PPP1R13B: variants seen among roughly 807,000 people sequenced by gnomAD.
The protein encoded by PPP1R13B is protein phosphatase 1 regulatory subunit 13B, also known as apoptosis-stimulating of p53 protein 1.
Under a neutral mutation model 119.8 loss-of-function variants are expected in PPP1R13B, and 44 were observed. That is an observed-to-expected ratio of 0.37 (90% CI 0.29 to 0.47). The LOEUF (loss-of-function observed/expected upper bound fraction) is 0.47, where lower values mean the gene tolerates loss of function less well. PPP1R13B is among the 20% of genes least tolerant of loss of function. The probability of loss-of-function intolerance (pLI) is 0.99; values close to 1 mark genes in which losing one functional copy is unlikely to be tolerated. For synonymous variants in PPP1R13B, 542 were observed against 561.5 expected (o/e 0.97, Z 0.49); for missense variants, 1,227 against 1,413.5 (o/e 0.87, Z 2.12).
At chr14:103,736,502 A>G (rs768555537) in intron 15 of PPP1R13B, 22 of 460,028 alleles carry the variant, frequency 4.8e-5, no homozygotes, top group Non-Finnish European at 8.3e-5. Context: ...CTTAGCAATC[A>G]CAGCCAGAAC....
chr14:103,834,683 CG>C (rs955638866), intron 1 of PPP1R13B, among the ~76,000 whole-genome samples: 23 of 150,802 alleles, frequency 1.5e-4, no homozygotes, highest in African/African-American at 5.6e-4. Flanking sequence ...CTCCGCCCTC[CG>C]GGTGCAAGTG....
chr14:103,821,161 TGAA>T (rs935884016), intron 1 of PPP1R13B, among the ~76,000 whole-genome samples: 8 of 152,158 alleles, frequency 5.3e-5, no homozygotes, highest in African/African-American at 1.9e-4. Flanking sequence ...GGTAACAAAA[TGAA>T]GACTAAAATC....
rs143054741 is a variant in PPP1R13B at position 103,767,785 on chromosome 14, G to A, written c.355-10034C>T. Among the ~76,000 whole-genome samples, 576 of 152,248 alleles carry A rather than the reference G, an allele frequency of 3.8e-3. 6 individuals are homozygous for A. The highest frequency in any genetic ancestry group is 0.023 in the South Asian group (109 of 4,826). ...ACTCTCTGTCACCATACAGTTTCAT[G>A]TCTATTCCTCTGTATCTTTGTGGAA... On this transcript the variant is annotated intron_variant, in intron 4 of 16. Coordinates refer to ENST00000202556, the MANE Select transcript of PPP1R13B (RefSeq NM_015316.3).
intron 1 of PPP1R13B, among the ~76,000 whole-genome samples, chr14:103,842,304 T>C (rs891310789): frequency 6.8e-6 from 1 of 147,450 alleles, no homozygotes; most frequent in Admixed American, 6.8e-5. Flanking sequence ...GTGCCTTCTT[T>C]TTTTTTTTTT....
In PPP1R13B at chr14:103,741,803, CTTAT is replaced by C. The variant is rs1166037215; in HGVS notation, c.1805_1808del (p.Asn602SerfsTer103). ...AACCCACTCTACCTGCTTTAACTGA[CTTAT>C]TTAAGGCGCTGTGTGCTGCCGGCTG... is the stretch of plus-strand genomic sequence containing the variant. On this transcript the variant is annotated frameshift_variant, in exon 11 of 17. Transcript: ENST00000202556. LOFTEE classifies it high-confidence loss of function. 1 of 1,613,806 alleles carries C rather than the reference CTTAT, an allele frequency of 6.2e-7. No homozygotes were observed. The highest frequency in any genetic ancestry group is 1.1e-5 in the South Asian group (1 of 91,060).
At chr14:103,789,379 C>T (rs892034243) in intron 2 of PPP1R13B, among the ~76,000 whole-genome samples, 1 of 151,830 alleles carries the variant, frequency 6.6e-6, no homozygotes, top group Non-Finnish European at 1.5e-5. Flanking sequence ...CCACCACACC[C>T]AGCTATTTTT....
At chr14:103,839,369 G>A (rs1043756788) in intron 1 of PPP1R13B, among the ~76,000 whole-genome samples, 2 of 151,892 alleles carry the variant, frequency 1.3e-5, no homozygotes, top group Non-Finnish European at 2.9e-5. Flanking sequence ...GCTCACGCCT[G>A]TTAACCCCAG....
chr14:103,799,609 G>A (rs2085848880), intron 1 of PPP1R13B, among the ~76,000 whole-genome samples: 1 of 130,744 alleles, frequency 7.6e-6, no homozygotes, highest in South Asian at 2.3e-4. Context: ...CACTGTGCCG[G>A]GTTTTTTGTT....
At chr14:103,820,189 A>G (rs1228492657) in intron 1 of PPP1R13B, among the ~76,000 whole-genome samples, 1 of 152,140 alleles carries the variant, frequency 6.6e-6, no homozygotes, top group Non-Finnish European at 1.5e-5. Flanking sequence ...CCTATTACGG[A>G]CAACGCCCCT....
intron 1 of PPP1R13B, 108 bp from the exon 2 acceptor site, chr14:103,797,626 C>T: frequency 4.2e-6 from 2 of 480,366 alleles, no homozygotes; most frequent in Non-Finnish European, 6.8e-6. Flanking sequence ...AAAATGCCTA[C>T]AGAATTATTT....
chr14:103,838,307 A>AT (rs772893724), intron 1 of PPP1R13B, among the ~76,000 whole-genome samples: 1 of 152,088 alleles, frequency 6.6e-6, no homozygotes, highest in Non-Finnish European at 1.5e-5. Context: ...CATTCAACAA[A>AT]TATTTATTTA....
chr14:103,813,951 C>T (rs151126046), intron 1 of PPP1R13B, among the ~76,000 whole-genome samples: 28 of 152,274 alleles, frequency 1.8e-4, no homozygotes, highest in African/African-American at 6.7e-4. Context: ...TATTATTACT[C>T]ATTATAGTAT....
chr14:103,782,693 T>C (rs2085364648), intron 3 of PPP1R13B, among the ~76,000 whole-genome samples: 1 of 152,206 alleles, frequency 6.6e-6, no homozygotes, highest in Non-Finnish European at 1.5e-5. Flanking sequence ...TCAAGATAGT[T>C]TTCTCTGCAT....
In PPP1R13B at chr14:103,738,771, T is replaced by C; in HGVS notation, c.2772A>G (p.Pro924=). 1 of 1,614,228 alleles carries C rather than the reference T, an allele frequency of 6.2e-7. No homozygotes were observed. The highest frequency in any genetic ancestry group is 1.7e-5 in the Admixed American group (1 of 60,034). Residue 924 remains proline, a synonymous_variant, in exon 14 of 17, where the codon CCA becomes CCG. Coordinates refer to ENST00000202556, the MANE Select transcript of PPP1R13B (RefSeq NM_015316.3). The surrounding 1 kb of genome is among the most constrained non-coding windows in gnomAD (Gnocchi z 5.6). ...PSKPNDEGIT[P]LHNAVCAGHH... ...GGCCGGCGCAGACGGCGTTGTGCAGTGGGGTGATCCCTTCGTCGTTGGGCT... is the reference window on the plus strand; with the variant it reads ...GGCCGGCGCAGACGGCGTTGTGCAGCGGGGTGATCCCTTCGTCGTTGGGCT...
At chr14:103,746,291 T>TTGGGGGGGGGGGGGGGGG in intron 9 of PPP1R13B, 82 bp downstream of exon 9, 1 of 272,100 alleles carries the variant, frequency 3.7e-6, no homozygotes, top group Non-Finnish European at 7.5e-6. Context: ...CTCAGGAGCC[T>TTGGGGGGGGGGGGGGGGG]GCCCCACCCC....
At position 103,742,383 on chromosome 14, in the gene PPP1R13B, T is replaced by C. The variant is rs929634696; in HGVS notation, c.1321-92A>G. ...ATTCCCAAGAGAATACACAGTAGAA[T>C]TTGTAATCCGTCAAATTGGCTGTGA... On this transcript the variant is annotated intron_variant, in intron 10 of 16. Transcript: ENST00000202556. This position sits in a 1 kb window ranked among gnomAD's most constrained non-coding sequence, Gnocchi z 4.9. The C allele has an allele frequency of 9.6e-6, 14 of 1,460,860 alleles. No homozygotes were observed. The African/African-American group carries it at 1.8e-4, about 19-fold the overall frequency. 90.5% of individuals were successfully genotyped at this position (1,460,860 alleles called of 1,614,324 possible). A position where few individuals can be genotyped will look rare whatever the true frequency, so the allele number is the denominator to read the frequency against.
At chr14:103,746,252 C>G in intron 9 of PPP1R13B, 121 bp downstream of exon 9, 2 of 1,058,556 alleles carry the variant, frequency 1.9e-6, no homozygotes, top group Non-Finnish European at 2.7e-6. Context: ...GAGACTGAGC[C>G]TGGAGTCTGA....
At chr14:103,807,434 T>C (rs1567138807) in intron 1 of PPP1R13B, among the ~76,000 whole-genome samples, 2 of 152,222 alleles carry the variant, frequency 1.3e-5, no homozygotes, top group Non-Finnish European at 2.9e-5. Context: ...GCTGTGTCAG[T>C]AGTGCCTGAA....
At position 103,787,379 on chromosome 14, in the gene PPP1R13B, T is replaced by C. The variant is rs2152028743; in HGVS notation, c.158-2465A>G. On this transcript the variant is annotated intron_variant, in intron 2 of 16. Coordinates refer to ENST00000202556, the MANE Select transcript of PPP1R13B (RefSeq NM_015316.3). ...CAGAGAACTGCTTGAACCTGGGAGG[T>C]GGAGGTTGTGGACAGCTGAGATCGT... Among the ~76,000 whole-genome samples, 3 of 151,502 alleles carry C rather than the reference T, an allele frequency of 2.0e-5. No homozygotes were observed. The South Asian group carries it at 6.3e-4, about 32-fold the overall frequency.
Sources: gnomAD v4.1 joint callset for allele counts (sites outside exome capture counted in the v4.1 genomes callset) on GRCh38, gnomAD v4.1.1 for gene constraint, Gnocchi (gnomAD v3.1) non-coding constraint, MANE v1.5 for transcripts, NCBI Gene and HGNC (gene_info 2026-07-23, HGNC 2026-07-21) for gene names.